The following ETNK1 variants were observed in gnomAD, a reference collection of about 807,000 sequenced individuals.
ETNK1 encodes the protein putative protein product of Nbla10396.
Under a neutral mutation model 45.1 loss-of-function variants are expected in ETNK1, and 8 were observed. The observed-to-expected ratio is 0.18, with a 90% CI of 0.10 to 0.32. ETNK1 has a LOEUF of 0.32. Among genes scored for constraint, ETNK1 ranks in the 10% least tolerant of loss-of-function variants. The pLI, the probability that ETNK1 is intolerant of heterozygous loss-of-function variation, is 1.00. For synonymous variants in ETNK1, 152 were observed against 151.9 expected, an observed-to-expected ratio of 1.00 and a Z score of -0.01; for missense variants, 302 against 430.6, an observed-to-expected ratio of 0.70 and a Z score of 2.64.
At chr12:22,647,854 G>A (rs1953825933) in intron 2 of ETNK1, among the ~76,000 whole-genome samples, 1 of 151,906 alleles carries the variant, frequency 6.6e-6, no homozygotes, top group South Asian at 2.1e-4. Context: ...GCTTTAACGA[G>A]TATGGAATTT....
At chr12:22,659,670 A>C (rs1478499613) in intron 3 of ETNK1, among the ~76,000 whole-genome samples, 2 of 152,188 alleles carry the variant, frequency 1.3e-5, no homozygotes, top group Non-Finnish European at 2.9e-5. Flanking sequence ...TTTTGTGAGG[A>C]TTGAGATAGT....
chr12:22,670,964 C>T (rs1954101704), intron 4 of ETNK1: 1 of 246,726 alleles, frequency 4.1e-6, no homozygotes. Context: ...GTAACTGATG[C>T]CCCCATGTGG....
At position 22,642,378 on chromosome 12, in the gene ETNK1, TC is replaced by T. The variant is rs1221267504; in HGVS notation, c.157-1383del. 3.9e-5 allele frequency among the ~76,000 whole-genome samples: 6 copies of T among 152,154 alleles called. No individual in the cohort carries two copies. The East Asian group carries it at 7.7e-4, about 20-fold the overall frequency. ...AATAGTCATTTTAAGTATATATTCT[TC>T]CTGACAGTGTCTTTCATACAGTCTT... On this transcript the variant is annotated intron_variant, in intron 1 of 7. Transcript: ENST00000266517.
chr12:22,639,026 G>A (rs982396371), intron 1 of ETNK1: 3 of 151,978 alleles, frequency 2.0e-5, no homozygotes, highest in Non-Finnish European at 4.4e-5. Flanking sequence ...ACCTCAAAAA[G>A]TATTTTTATA....
At chr12:22,631,248 C>G (rs1055519756) in intron 1 of ETNK1, among the ~76,000 whole-genome samples, 1 of 151,266 alleles carries the variant, frequency 6.6e-6, no homozygotes, top group African/African-American at 2.4e-5. Context: ...GATCTCGGCT[C>G]ACCGCAACCT....
rs1357549289 is a variant in ETNK1 at position 22,685,264 on chromosome 12, A to T, written c.*310A>T. ...AATTATTTATTATAAACTTAGCACG[A>T]TTCTGTGACTGTTTTTCTCTGTTTC... On this transcript the variant is annotated 3_prime_UTR_variant, in exon 8 of 8. Coordinates refer to ENST00000266517, the MANE Select transcript of ETNK1 (RefSeq NM_018638.5). 1 of 200,686 alleles carries T rather than the reference A, an allele frequency of 5.0e-6. No homozygotes were observed. The highest frequency in any genetic ancestry group is 2.3e-5 in the African/African-American group (1 of 43,292). 12.4% of individuals were successfully genotyped at this position (200,686 alleles called of 1,614,324 possible). A position where few individuals can be genotyped will look rare whatever the true frequency, so the allele number is the denominator to read the frequency against.
chr12:22,655,328 G>T (rs1031329124), intron 2 of ETNK1, among the ~76,000 whole-genome samples: 60 of 122,774 alleles, frequency 4.9e-4, no homozygotes, highest in Non-Finnish European at 8.5e-4. Context: ...GGGTTTGTTT[G>T]TTTTTTTTTT....
In ETNK1 at chr12:22,659,024, C is replaced by T. The variant is rs771234348; in HGVS notation, c.427C>T (p.Arg143Cys). 8 of 1,613,078 alleles carry T rather than the reference C, an allele frequency of 5.0e-6. No homozygotes were observed. Among genetic ancestry groups the T allele is most frequent in the African/African-American group, 2.7e-5 (2 of 74,886 alleles). Reference sequence around the variant, plus strand: ...TTTTGTTTTAAACAGGCTAATAGCTCGTCAGCTTGCTAAAATCCATGCTAT... The same window carrying T: ...TTTTGTTTTAAACAGGCTAATAGCTTGTCAGCTTGCTAAAATCCATGCTAT... ...CNPAIFRLIA[R>C]QLAKIHAIHA... is the part of the protein sequence containing the mutation. Residue 143 changes from arginine (R) to cysteine (C), a missense_variant, in exon 3 of 8, where the codon CGT (arginine) becomes TGT (cysteine). Around this residue, in one of 3 missense-constraint regions of ETNK1, gnomAD observed 205 missense variants for 259.9 expected, o/e 0.79. Coordinates refer to ENST00000266517, the MANE Select transcript of ETNK1 (RefSeq NM_018638.5).
chr12:22,630,211 G>A (rs1002342283), intron 1 of ETNK1, among the ~76,000 whole-genome samples: 3 of 152,200 alleles, frequency 2.0e-5, no homozygotes, highest in Non-Finnish European at 4.4e-5. Context: ...AGAATTCAAT[G>A]AAATACCTAC....
Position 22,671,895 on chromosome 12 carries a change from C to T in ETNK1, c.784+540C>T, listed in dbSNP as rs1954112513. Among the ~76,000 whole-genome samples, 4 of 148,100 alleles carry T rather than the reference C, an allele frequency of 2.7e-5. No homozygotes were observed. The South Asian group carries it at 8.7e-4, about 32-fold the overall frequency. ...GATAGGAGAAAAATAATGATTGTGG[C>T]TTCTGTTGAGATCAGACATAGCATA... On this transcript the variant is annotated intron_variant, in intron 5 of 7. Transcript: ENST00000266517.
intron 1 of ETNK1, chr12:22,638,378 A>G (rs1423450441): frequency 3.3e-5 from 5 of 151,580 alleles, no homozygotes; most frequent in Non-Finnish European, 5.9e-5. Context: ...CAGCCTCCCT[A>G]GTAGCTGGAA....
Position 22,644,020 on chromosome 12 carries a change from C to A in ETNK1, c.414C>A (p.Phe138Leu). 6.3e-7 allele frequency: 1 copy of A among 1,579,794 alleles called. No individual in the cohort carries two copies. Among genetic ancestry groups the A allele is most frequent in the South Asian group, 1.1e-5 (1 of 87,450 alleles). The change falls in exon 2 of 8, where the codon TTC (phenylalanine) becomes TTA (leucine). Residue 138 changes from phenylalanine (F) to leucine (L), a missense_variant and splice_region_variant. Physicochemically the swap from Phe to Leu is conservative, Grantham distance 22. This residue lies in a region of ETNK1 where 205 missense variants were observed against 259.9 expected (regional missense o/e 0.79). Coordinates refer to ENST00000266517, the MANE Select transcript of ETNK1 (RefSeq NM_018638.5). ...DPKHVCNPAIFRLIARQLAKI... is the reference protein window; with the variant it reads ...DPKHVCNPAILRLIARQLAKI... ...AGCATGTCTGCAACCCAGCCATTTT[C>A]AGGTACATTTTCTTTTCTGAATTTT...
chr12:22,661,780 G>GATGA (rs1954001747), intron 4 of ETNK1, among the ~76,000 whole-genome samples: 1 of 152,132 alleles, frequency 6.6e-6, no homozygotes, highest in Admixed American at 6.6e-5. Flanking sequence ...AACCTTGGTA[G>GATGA]ATAATTTCAA....
intron 1 of ETNK1, among the ~76,000 whole-genome samples, chr12:22,635,561 ACTTG>A (rs1269566650): frequency 2.0e-5 from 3 of 152,180 alleles, no homozygotes; most frequent in Non-Finnish European, 4.4e-5. Context: ...GACAGATACC[ACTTG>A]CTTGACAATA....
intron 1 of ETNK1, among the ~76,000 whole-genome samples, chr12:22,643,310 A>G (rs1241309464): frequency 6.6e-6 from 1 of 152,088 alleles, no homozygotes. Context: ...AATGAACCAT[A>G]CTAGGAATAG....
chr12:22,660,692 C>A (rs547464642), intron 3 of ETNK1, among the ~76,000 whole-genome samples: 10 of 151,842 alleles, frequency 6.6e-5, no homozygotes, highest in African/African-American at 1.9e-4. Context: ...TATACTTAAA[C>A]CTCTATTTAT....
intron 1 of ETNK1, among the ~76,000 whole-genome samples, chr12:22,635,219 C>A (rs1953639625): frequency 6.6e-6 from 1 of 152,184 alleles, no homozygotes; most frequent in Non-Finnish European, 1.5e-5. Flanking sequence ...CTCAGTGTGT[C>A]CTCCTTTGCT....
At chr12:22,645,253 G>A (rs566002313) in intron 2 of ETNK1, among the ~76,000 whole-genome samples, 2 of 151,844 alleles carry the variant, frequency 1.3e-5, no homozygotes, top group South Asian at 4.1e-4. Flanking sequence ...TCCCCCCAAA[G>A]CTGGTTTTGT....
At chr12:22,643,593 G>T (rs1477621602) in intron 1 of ETNK1, among the ~76,000 whole-genome samples, 170 bp from the exon 2 acceptor site, 1 of 152,074 alleles carries the variant, frequency 6.6e-6, no homozygotes, top group Non-Finnish European at 1.5e-5. Flanking sequence ...TTTAAATATA[G>T]AATTAAAATT....
Sources: gnomAD v4.1 joint callset for allele counts (sites outside exome capture counted in the v4.1 genomes callset) on GRCh38, gnomAD v4.1.1 for gene constraint, gnomAD v4.1.1 regional missense constraint, MANE v1.5 for transcripts, NCBI Gene and HGNC (gene_info 2026-07-23, HGNC 2026-07-21) for gene names.